ABCA9: variants seen among roughly 807,000 people sequenced by gnomAD.
The protein encoded by ABCA9 is ATP binding cassette subfamily A member 9, also known as ATP-binding cassette sub-family A member 9.
ABCA9 carries 183 observed loss-of-function variants against 205.3 expected under a neutral mutation model. The ratio of observed to expected loss-of-function variants is 0.89; its 90% CI spans 0.79 to 1.01. ABCA9 has a LOEUF of 1.01. Ranked by LOEUF, ABCA9 falls within the 50% of genes least tolerant of loss-of-function variation. The pLI, the probability that ABCA9 is intolerant of heterozygous loss-of-function variation, is 0.00. For synonymous variants in ABCA9, 651 were observed against 683.3 expected (o/e 0.95, Z 0.74); for missense variants, 1,805 against 1,912.4 (o/e 0.94, Z 1.05).
chr17:69,016,684 G>A (rs2070628496), intron 21 of ABCA9, among the ~76,000 whole-genome samples: 1 of 152,100 alleles, frequency 6.6e-6, no homozygotes, highest in African/African-American at 2.4e-5. Flanking sequence ...ACTCCATAGT[G>A]CAACCTCAGT....
chr17:69,032,364 A>T, intron 9 of ABCA9, 88 bp from the exon 10 acceptor site: 4 of 1,203,726 alleles, frequency 3.3e-6, no homozygotes, highest in Non-Finnish European at 4.7e-6. Flanking sequence ...TTGACATTAA[A>T]CCTGAACCCA....
At chr17:68,985,825 C>T (rs930836818) in intron 32 of ABCA9, among the ~76,000 whole-genome samples, 2 of 151,972 alleles carry the variant, frequency 1.3e-5, no homozygotes, top group East Asian at 1.9e-4. Context: ...GGCATGATGG[C>T]GGGTGCCTGT....
chr17:68,979,542 G>A (rs1349425203), intron 37 of ABCA9, among the ~76,000 whole-genome samples: 1 of 149,690 alleles, frequency 6.7e-6, no homozygotes, highest in Admixed American at 6.6e-5. Context: ...TATACCACAA[G>A]GCTACAGTAA....
rs774396519 is a variant in ABCA9, at chr17:69,049,283, C to A, written c.304G>T (p.Gly102Ter). ...NKVASAPFLK[G>*]RTIMGWPDEK... ...TACTATGAACAACCAGGGAACATAC[C>A]TTTTAGGAATGGGGCTGAAGCCACT... The change falls in exon 3 of 39, where the codon GGA becomes TGA. Residue 102 changes from glycine to a stop codon, truncating the protein, a stop_gained and splice_region_variant. Transcript: ENST00000340001. LOFTEE classifies it high-confidence loss of function. 55 of 1,607,932 alleles carry A rather than the reference C, an allele frequency of 3.4e-5. No individual in the cohort carries two copies. Among genetic ancestry groups the A allele is most frequent in the Middle Eastern group, 1.7e-4 (1 of 6,058 alleles).
chr17:68,982,510 G>T (rs2069089946), intron 37 of ABCA9, 52 bp downstream of exon 37: 1 of 1,383,426 alleles, frequency 7.2e-7, no homozygotes, highest in African/African-American at 1.4e-5. Flanking sequence ...TTCTATGTCA[G>T]ATTTAGGCTT....
intron 14 of ABCA9, 78 bp from the exon 15 acceptor site, chr17:69,027,192 T>C (rs1472726422): frequency 8.2e-6 from 13 of 1,578,892 alleles, no homozygotes; most frequent in Non-Finnish European, 1.1e-5. Context: ...CTTTTAAAAG[T>C]ATTTGGGAGA....
chr17:69,044,550 A>G lies in ABCA9; in HGVS notation c.520T>C (p.Trp174Arg). 1 of 1,613,322 alleles carries G rather than the reference A, an allele frequency of 6.2e-7. No individual in the cohort carries two copies. Among genetic ancestry groups the G allele is most frequent in the Admixed American group, 1.7e-5 (1 of 59,944 alleles). ...TGAAAAGCTACAAAGCCTTTCTCCC[A>G]GAACTCTGAACCTTCACACTTCATT... is the stretch of plus-strand genomic sequence containing the variant. ...EKMKCEGSEF[W>R]EKGFVAFQAA... is the part of the protein sequence containing the mutation. The change falls in exon 5 of 39, where the codon TGG (tryptophan) becomes CGG (arginine). Residue 174 changes from tryptophan to arginine, a missense_variant. Transcript: ENST00000340001.
At chr17:68,990,191 C>A (rs2069401966) in intron 29 of ABCA9, among the ~76,000 whole-genome samples, 1 of 152,220 alleles carries the variant, frequency 6.6e-6, no homozygotes, top group African/African-American at 2.4e-5. Context: ...AAGACACACA[C>A]TCCCATAAAC....
At chr17:69,067,572 A>G in the ABCA9 span, among the ~76,000 whole-genome samples, 6 of 150,158 alleles carry the variant, frequency 4.0e-5, no homozygotes, top group South Asian at 4.3e-4. Flanking sequence ...AAAAAAAAAA[A>G]AAAGAAAGAG....
In ABCA9 at chr17:68,988,209, C is replaced by A. The variant is rs115984910; in HGVS notation, c.4047+818G>T. On this transcript the variant is annotated intron_variant, in intron 31 of 38. Transcript: ENST00000340001. ...CTGACATTGAGCTCATGTTCAAGGT[C>A]AATAGCATTTCCTCTTGGAAGTTGT... Among the ~76,000 whole-genome samples, 577 of 152,118 alleles carry A rather than the reference C, an allele frequency of 3.8e-3. 4 individuals are homozygous for A. The highest frequency in any genetic ancestry group is 0.013 in the African/African-American group (555 of 41,376).
rs1176410705 is a variant in ABCA9 at position 68,974,679 on chromosome 17, G to C, written c.*1236C>G. ...AAGGTGTTCATAGGGTTACCAGTTG[G>C]ATAGGTCATAATAATATATAGAGAT... On this transcript the variant is annotated 3_prime_UTR_variant, in exon 39 of 39. Transcript: ENST00000340001. The C allele has an allele frequency of 6.6e-6, 1 of 152,126 alleles. No individual in the cohort carries two copies. The highest frequency in any genetic ancestry group is 1.9e-4 in the East Asian group (1 of 5,198). 9.4% of individuals were successfully genotyped at this position (152,126 alleles called of 1,614,324 possible).
chr17:69,027,530 G>T, intron 13 of ABCA9, 81 bp from the exon 14 acceptor site: 1 of 1,559,672 alleles, frequency 6.4e-7, no homozygotes. Flanking sequence ...CTTTACAAAG[G>T]GCCTTTTTGC....
the ABCA9 span, among the ~76,000 whole-genome samples, chr17:69,067,617 GAAAGAAGA>G: frequency 0.039 from 5,742 of 146,634 alleles, 350 homozygotes; most frequent in African/African-American, 0.14. Context: ...AAGAAAGAAA[GAAAGAAGA>G]AAGAAAGAAA....
At position 69,008,194 on chromosome 17, in the gene ABCA9, A is replaced by G. The variant is rs370199374; in HGVS notation, c.3189T>C (p.Pro1063=). The change falls in exon 24 of 39, where the codon CCT becomes CCC. Residue 1063 remains proline, a synonymous_variant. Transcript: ENST00000340001. ...GTGCTTGGCCAAACCAGTATGCAGAAGGGTAGAGGCCTGAAATCCGTAGCT... is the reference window on the plus strand; with the variant it reads ...GTGCTTGGCCAAACCAGTATGCAGAGGGGTAGAGGCCTGAAATCCGTAGCT... ...HSQLRISGLY[P]SAYWFGQALV... 3 of 1,613,910 alleles carry G rather than the reference A, an allele frequency of 1.9e-6. No individual in the cohort carries two copies. The African/African-American group carries it at 4.0e-5, about 22-fold the overall frequency.
chr17:69,050,616 A>G (rs551709737), intron 2 of ABCA9, among the ~76,000 whole-genome samples: 120 of 152,186 alleles, frequency 7.9e-4, no homozygotes, highest in Non-Finnish European at 1.7e-3. Context: ...GACATTGTGT[A>G]GAAGTGCTAC....
At chr17:69,047,716 G>A (rs1468115507) in intron 3 of ABCA9, among the ~76,000 whole-genome samples, 2 of 152,138 alleles carry the variant, frequency 1.3e-5, no homozygotes, top group African/African-American at 2.4e-5. Context: ...GTGCAGGATG[G>A]CAAAGGTCAC....
intron 6 of ABCA9, among the ~76,000 whole-genome samples, chr17:69,038,750 T>G (rs893088140): frequency 1.3e-5 from 2 of 152,118 alleles, no homozygotes; most frequent in Non-Finnish European, 2.9e-5. Flanking sequence ...TAAAGGGTAT[T>G]CAAATAGGAG....
chr17:69,060,037 T>G (rs1165374786), intron 1 of ABCA9, among the ~76,000 whole-genome samples: 4 of 152,204 alleles, frequency 2.6e-5, no homozygotes, highest in Non-Finnish European at 5.9e-5. Context: ...GTTCTTTCTT[T>G]CTGTGAATTA....
intron 28 of ABCA9, 82 bp from the exon 29 acceptor site, chr17:68,991,039 A>G (rs2069434599): frequency 6.7e-7 from 1 of 1,486,978 alleles, no homozygotes; most frequent in African/African-American, 1.4e-5. Flanking sequence ...CTATACTTCC[A>G]ATTTTTGGAG....
Sources: gnomAD v4.1 joint callset for allele counts (sites outside exome capture counted in the v4.1 genomes callset) on GRCh38, gnomAD v4.1.1 for gene constraint, MANE v1.5 for transcripts, NCBI Gene and HGNC (gene_info 2026-07-23, HGNC 2026-07-21) for gene names.